Variants in PTDSS1 observed in about 807,000 individuals in gnomAD.
The protein encoded by PTDSS1 is PSS-1.
Under a neutral mutation model 70.5 loss-of-function variants are expected in PTDSS1, and 45 were observed. The ratio of observed to expected loss-of-function variants is 0.64; its 90% CI spans 0.50 to 0.82. PTDSS1 has a LOEUF of 0.82. Ranked by LOEUF, PTDSS1 falls within the 40% of genes least tolerant of loss-of-function variation. The pLI is 0.00. For missense variants in PTDSS1, 417 were observed against 586.1 expected, an observed-to-expected ratio of 0.71 and a Z score of 2.98; for synonymous variants, 188 against 203.8, an observed-to-expected ratio of 0.92 and a Z score of 0.66.
chr8:96,296,389 C>A (rs1241964031), intron 5 of PTDSS1, among the ~76,000 whole-genome samples: 5 of 152,122 alleles, frequency 3.3e-5, no homozygotes, highest in Non-Finnish European at 7.4e-5. Context: ...CTGCCCACCT[C>A]AGCCTCCCAA....
At chr8:96,271,916 G>T (rs1016266934) in intron 1 of PTDSS1, among the ~76,000 whole-genome samples, 1 of 151,890 alleles carries the variant, frequency 6.6e-6, no homozygotes, top group Non-Finnish European at 1.5e-5. Context: ...CCATGAGTGA[G>T]GTTGACCATC....
At chr8:96,277,926 T>C (rs2643340) in intron 2 of PTDSS1, among the ~76,000 whole-genome samples, 2,451 of 152,354 alleles carry the variant, frequency 0.016, 27 homozygotes, top group Non-Finnish European at 0.022. Flanking sequence ...AGGAAATTCG[T>C]TATTTTCTTA....
chr8:96,285,190 C>T (rs1472479674), intron 3 of PTDSS1, among the ~76,000 whole-genome samples: 3 of 152,140 alleles, frequency 2.0e-5, no homozygotes, highest in Non-Finnish European at 2.9e-5. Flanking sequence ...GGAGTGATGC[C>T]AAGTCTGAAA....
chr8:96,277,608 C>T (rs1295549620), intron 2 of PTDSS1, among the ~76,000 whole-genome samples: 1 of 152,256 alleles, frequency 6.6e-6, no homozygotes, highest in Non-Finnish European at 1.5e-5. Flanking sequence ...CAGTGGATAG[C>T]ATGTCCGGAA....
intron 3 of PTDSS1, 28 bp downstream of exon 3, chr8:96,284,181 A>G: frequency 6.4e-7 from 1 of 1,571,210 alleles, no homozygotes. Flanking sequence ...ATGTAAAAGG[A>G]TGTTCTATTT....
rs184543912 is a variant in PTDSS1, at chr8:96,273,403, A to G, written c.271+13A>G. On this transcript the variant is annotated intron_variant, in intron 2 of 12. Coordinates refer to ENST00000517309, the MANE Select transcript of PTDSS1 (RefSeq NM_014754.3). ...GCTTTCCCCAATGGTAAGTAATGTC[A>G]TGCATTACCACATTTCTCCTATATT... is the stretch of plus-strand genomic sequence containing the variant. The G allele has an allele frequency of 7.7e-6, 12 of 1,563,470 alleles. No individual in the cohort carries two copies. The highest frequency in any genetic ancestry group is 2.2e-5 in the East Asian group (1 of 44,602).
intron 9 of PTDSS1, among the ~76,000 whole-genome samples, chr8:96,317,047 GTATA>G (rs376416607): frequency 1.6e-5 from 2 of 124,830 alleles, no homozygotes; most frequent in Non-Finnish European, 1.7e-5. Flanking sequence ...ATATATGTGT[GTATA>G]TATATATGTG....
intron 9 of PTDSS1, among the ~76,000 whole-genome samples, chr8:96,310,964 C>T (rs1366315830): frequency 6.6e-6 from 1 of 152,052 alleles, no homozygotes; most frequent in Non-Finnish European, 1.5e-5. Flanking sequence ...TGGGGTTTCA[C>T]CATGTTGGCC....
At chr8:96,313,313 G>A (rs181820742) in intron 9 of PTDSS1, among the ~76,000 whole-genome samples, 6 of 152,294 alleles carry the variant, frequency 3.9e-5, no homozygotes. Flanking sequence ...CAAGGGAATG[G>A]GATCCCTAAC....
rs188627569 is a variant in PTDSS1 at position 96,263,230 on chromosome 8, C to T, written c.179+1011C>T. Among the ~76,000 whole-genome samples, 7 of 152,306 alleles carry T rather than the reference C, an allele frequency of 4.6e-5. No individual in the cohort carries two copies. The East Asian group carries it at 1.4e-3, about 29-fold the overall frequency. On this transcript the variant is annotated intron_variant, in intron 1 of 12. Coordinates refer to ENST00000517309, the MANE Select transcript of PTDSS1 (RefSeq NM_014754.3). ...TAACTCTGGCACTGCGCCTGTGGCT[C>T]CTCATTCCTAACCTAGAGAACTAAT...
At chr8:96,307,821 G>T (rs988748462) in intron 8 of PTDSS1, among the ~76,000 whole-genome samples, 1 of 152,110 alleles carries the variant, frequency 6.6e-6, no homozygotes, top group Non-Finnish European at 1.5e-5. Context: ...ATAGCAAATC[G>T]TATATGATTT....
chr8:96,330,270 C>G lies in PTDSS1; in HGVS notation c.1231C>G (p.His411Asp). 6.2e-7 allele frequency: 1 copy of G among 1,611,070 alleles called. No individual in the cohort carries two copies. The highest frequency in any genetic ancestry group is 8.5e-7 in the Non-Finnish European group (1 of 1,178,032). Residue 411 changes from histidine (H) to aspartate (D), a missense_variant, in exon 11 of 13, where the codon CAC becomes GAC. His to Asp is a moderately conservative substitution (Grantham distance 81). Transcript: ENST00000517309. The part of the protein sequence containing the change: ...GMIWYAEHYG[H>D]REKTYSECED... ...GATTTGGTATGCAGAACACTATGGTCACCGAGAAAAGGTATGGAAGGAGAG... is the reference window on the plus strand; with the variant it reads ...GATTTGGTATGCAGAACACTATGGTGACCGAGAAAAGGTATGGAAGGAGAG...
At chr8:96,273,210 C>A in intron 1 of PTDSS1, 89 bp from the exon 2 acceptor site, 1 of 878,362 alleles carries the variant, frequency 1.1e-6, no homozygotes, top group Non-Finnish European at 1.7e-6. Context: ...TGGCAGTCCC[C>A]CAGTTTTTAG....
intron 4 of PTDSS1, among the ~76,000 whole-genome samples, chr8:96,293,716 A>G (rs17707573): frequency 0.073 from 11,138 of 152,374 alleles, 452 homozygotes; most frequent in African/African-American, 0.082. Flanking sequence ...AATAGAGTGT[A>G]AAGTCCTCCA....
chr8:96,309,836 T>C (rs914232847), intron 9 of PTDSS1, among the ~76,000 whole-genome samples: 4 of 152,166 alleles, frequency 2.6e-5, no homozygotes, highest in African/African-American at 9.7e-5. Context: ...GAATAGTTAC[T>C]TGGCAAATTA....
chr8:96,271,217 G>A (rs931275533), intron 1 of PTDSS1, among the ~76,000 whole-genome samples: 1 of 152,146 alleles, frequency 6.6e-6, no homozygotes, highest in African/African-American at 2.4e-5. Flanking sequence ...GTGACATCCT[G>A]TGCAAGCATA....
intron 1 of PTDSS1, among the ~76,000 whole-genome samples, chr8:96,267,279 A>T (rs1201387180): frequency 1.3e-5 from 2 of 152,184 alleles, no homozygotes; most frequent in Non-Finnish European, 2.9e-5. Flanking sequence ...TCAATTCAAC[A>T]GTTCATAGTC....
intron 10 of PTDSS1, among the ~76,000 whole-genome samples, chr8:96,325,331 T>G (rs899729331): frequency 6.6e-6 from 1 of 152,162 alleles, no homozygotes; most frequent in African/African-American, 2.4e-5. Flanking sequence ...TGCAAACTAA[T>G]TATGTTAATA....
intron 10 of PTDSS1, among the ~76,000 whole-genome samples, chr8:96,326,678 T>G (rs1269486163): frequency 6.6e-6 from 1 of 152,182 alleles, no homozygotes; most frequent in Non-Finnish European, 1.5e-5. Flanking sequence ...AAGGGCTTTG[T>G]GCGGCTGTAG....
Sources: allele counts gnomAD v4.1 joint callset (sites outside exome capture counted in the v4.1 genomes callset), GRCh38; gene constraint gnomAD v4.1.1; transcripts MANE v1.5; gene names NCBI Gene and HGNC (gene_info 2026-07-23, HGNC 2026-07-21).